MAML2: variants seen among roughly 807,000 people sequenced by gnomAD.
MAML2 encodes the protein mastermind like transcriptional coactivator 2.
In MAML2, 22 loss-of-function variants were observed where a neutral mutation model predicts 96.1. That is an observed-to-expected ratio of 0.23 (90% CI 0.16 to 0.33). MAML2 has a LOEUF of 0.33. Among genes scored for constraint, MAML2 ranks in the 10% least tolerant of loss-of-function variants. MAML2 has a pLI of 1.00. For missense variants in MAML2, 1,367 were observed against 1,392.4 expected (o/e 0.98, Z 0.29); for synonymous variants, 561 against 521.3 (o/e 1.08, Z -1.04).
intron 1 of MAML2, among the ~76,000 whole-genome samples, chr11:96,180,847 G>C (rs973055968): frequency 6.6e-6 from 1 of 151,998 alleles, no homozygotes; most frequent in African/African-American, 2.4e-5. Context: ...GTCAGCGAAG[G>C]GAGATAAGGG....
At chr11:96,028,527 C>T (rs1409337792) in intron 2 of MAML2, among the ~76,000 whole-genome samples, 1 of 152,210 alleles carries the variant, frequency 6.6e-6, no homozygotes, top group Non-Finnish European at 1.5e-5. Context: ...ACATTACACT[C>T]CATGAAAGCC....
intron 1 of MAML2, among the ~76,000 whole-genome samples, chr11:96,131,447 T>C (rs144409962): frequency 1.5e-3 from 227 of 152,268 alleles, no homozygotes; most frequent in African/African-American, 4.7e-3. Flanking sequence ...ATATAGAACA[T>C]ATACTTAACA....
chr11:96,178,273 C>T (rs1014792418), intron 1 of MAML2, among the ~76,000 whole-genome samples: 4 of 151,924 alleles, frequency 2.6e-5, no homozygotes, highest in African/African-American at 9.7e-5. Flanking sequence ...AAACCGAGGT[C>T]GGCTGCCATG....
intron 1 of MAML2, among the ~76,000 whole-genome samples, chr11:96,234,724 G>A (rs1862343666): frequency 6.6e-6 from 1 of 152,076 alleles, no homozygotes. Flanking sequence ...TTTCTTTATG[G>A]TCCAAGAGGA....
At chr11:96,046,290 CG>C (rs1858900815) in intron 2 of MAML2, among the ~76,000 whole-genome samples, 2 of 151,408 alleles carry the variant, frequency 1.3e-5, no homozygotes, top group South Asian at 4.2e-4. Flanking sequence ...TGTTCATAGC[CG>C]GGGAGCTGGC....
chr11:96,119,924 A>G (rs1008961141), intron 1 of MAML2, among the ~76,000 whole-genome samples: 9 of 151,754 alleles, frequency 5.9e-5, no homozygotes, highest in Admixed American at 1.3e-4. Flanking sequence ...CTACAATAGT[A>G]GTCTGACAAA....
At chr11:96,041,640 G>T (rs1858812889) in intron 2 of MAML2, among the ~76,000 whole-genome samples, 1 of 152,104 alleles carries the variant, frequency 6.6e-6, no homozygotes, top group Non-Finnish European at 1.5e-5. Context: ...GTGTTCCATT[G>T]CGTTTCAGTC....
chr11:96,270,052 T>A (rs1862893592), intron 1 of MAML2, among the ~76,000 whole-genome samples: 1 of 143,894 alleles, frequency 6.9e-6, no homozygotes, highest in South Asian at 2.2e-4. Flanking sequence ...ACAAATGATA[T>A]CTCCTTAGAT....
At chr11:96,167,616 T>C (rs1270058924) in intron 1 of MAML2, among the ~76,000 whole-genome samples, 2 of 152,210 alleles carry the variant, frequency 1.3e-5, no homozygotes, top group African/African-American at 2.4e-5. Context: ...CAAAACAAAT[T>C]ATTTGTAGCC....
chr11:96,033,264 T>C (rs1187980835), intron 2 of MAML2, among the ~76,000 whole-genome samples: 2 of 152,188 alleles, frequency 1.3e-5, no homozygotes, highest in African/African-American at 4.8e-5. Flanking sequence ...TTACCTGCCC[T>C]GGGGACAATT....
chr11:96,175,565 T>G (rs1197891680), intron 1 of MAML2, among the ~76,000 whole-genome samples: 1 of 152,194 alleles, frequency 6.6e-6, no homozygotes, highest in Non-Finnish European at 1.5e-5. Flanking sequence ...GTAGCAATAC[T>G]TTCTGAAATC....
chr11:96,206,992 A>G (rs558019662), intron 1 of MAML2, among the ~76,000 whole-genome samples: 1 of 152,378 alleles, frequency 6.6e-6, no homozygotes, highest in South Asian at 2.1e-4. Flanking sequence ...ATCATCGCCC[A>G]ACCTCCTGCA....
At chr11:96,256,073 C>A (rs1023856175) in intron 1 of MAML2, among the ~76,000 whole-genome samples, 1 of 151,918 alleles carries the variant, frequency 6.6e-6, no homozygotes, top group African/African-American at 2.4e-5. Context: ...GGGGTTTCAC[C>A]ACTGTGGCCA....
chr11:95,986,988 G>T (rs547503339), intron 3 of MAML2, among the ~76,000 whole-genome samples: 2 of 152,302 alleles, frequency 1.3e-5, no homozygotes, highest in Non-Finnish European at 2.9e-5. Flanking sequence ...TGCAGCAAGG[G>T]AGAACACACA....
Position 96,341,402 on chromosome 11 carries a change from C to T in MAML2, c.494G>A (p.Arg165Lys). The T allele has an allele frequency of 6.5e-7, 1 of 1,535,456 alleles. No homozygotes were observed. The highest frequency in any genetic ancestry group is 1.2e-5 in the South Asian group (1 of 81,006). The change falls in exon 1 of 5, where the codon AGG (arginine) becomes AAG (lysine). Residue 165 changes from arginine (R) to lysine (K), a missense_variant. By Grantham distance (26) the Arg-to-Lys change is conservative. Coordinates refer to ENST00000524717, the MANE Select transcript of MAML2 (RefSeq NM_032427.4). ...GCTTACCGCAATCAGGGCTGAGTTCCTCTGGTCCCCTGGGGTTGAAGCGGG... is the reference window on the plus strand; with the variant it reads ...GCTTACCGCAATCAGGGCTGAGTTCTTCTGGTCCCCTGGGGTTGAAGCGGG... ...QPPASTPGDQ[R>K]NSALIALQGS...
Position 95,977,883 on chromosome 11 carries a change from G to T in MAML2, c.*1065C>A. On this transcript the variant is annotated 3_prime_UTR_variant, in exon 5 of 5. Coordinates refer to ENST00000524717, the MANE Select transcript of MAML2 (RefSeq NM_032427.4). Reference sequence around the variant, plus strand: ...TTGATTATGCGTTCCTTCAAACTCCGTGAAATACATTTGTACACACTGGTA... The same window carrying T: ...TTGATTATGCGTTCCTTCAAACTCCTTGAAATACATTTGTACACACTGGTA... 1 of 224,944 alleles carries T rather than the reference G, an allele frequency of 4.4e-6. No individual in the cohort carries two copies. Among genetic ancestry groups the T allele is most frequent in the East Asian group, 6.4e-5 (1 of 15,568 alleles). 13.9% of individuals were successfully genotyped at this position (224,944 alleles called of 1,614,324 possible).
chr11:96,164,183 C>T (rs886434512), intron 1 of MAML2, among the ~76,000 whole-genome samples: 10 of 152,022 alleles, frequency 6.6e-5, no homozygotes, highest in African/African-American at 2.4e-4. Context: ...GCCAATACTG[C>T]GCTTTCACAA....
chr11:96,211,446 T>TAAAAAA (rs5793789), intron 1 of MAML2, among the ~76,000 whole-genome samples: 1 of 141,630 alleles, frequency 7.1e-6, no homozygotes, highest in East Asian at 2.0e-4. Flanking sequence ...TCTTTGAAAT[T>TAAAAAA]AAAAAAAAAA....
intron 1 of MAML2, among the ~76,000 whole-genome samples, chr11:96,109,079 G>C (rs1860076717): frequency 6.6e-6 from 1 of 151,918 alleles, no homozygotes; most frequent in Non-Finnish European, 1.5e-5. Context: ...AATTGAACCA[G>C]ATTTTCCTGA....
Sources: allele counts gnomAD v4.1 joint callset (sites outside exome capture counted in the v4.1 genomes callset), GRCh38; gene constraint gnomAD v4.1.1; transcripts MANE v1.5; gene names NCBI Gene and HGNC (gene_info 2026-07-23, HGNC 2026-07-21).